The following AMPD3 variants were observed in gnomAD, a reference collection of about 807,000 sequenced individuals.
AMPD3 encodes adenosine monophosphate deaminase 3, also known as AMP deaminase 3.
AMPD3 carries 57 observed loss-of-function variants against 82.3 expected under a neutral mutation model. The observed-to-expected ratio is 0.69, with a 90% CI of 0.56 to 0.86. AMPD3 has a LOEUF of 0.86. Ranked by LOEUF, AMPD3 falls within the 40% of genes least tolerant of loss-of-function variation. AMPD3 has a pLI of 0.00. For missense variants in AMPD3, 870 were observed against 1,003.8 expected, an observed-to-expected ratio of 0.87 and a Z score of 1.80; for synonymous variants, 381 against 394.7, an observed-to-expected ratio of 0.97 and a Z score of 0.41.
intron 13 of AMPD3, chr11:10,504,133 TC>T: frequency 1.2e-6 from 1 of 805,112 alleles, no homozygotes; most frequent in Non-Finnish European, 1.5e-6. Flanking sequence ...TATCTATCTA[TC>T]TATCTATCTA....
At chr11:10,484,671 A>G in intron 4 of AMPD3, 149 bp from the exon 5 acceptor site, 1 of 1,212,620 alleles carries the variant, frequency 8.2e-7, no homozygotes, top group South Asian at 1.4e-5. Flanking sequence ...TGACGAGACA[A>G]AAGGAAGCAG....
chr11:10,462,489 G>A (rs756309075), intron 2 of AMPD3, among the ~76,000 whole-genome samples: 4 of 152,194 alleles, frequency 2.6e-5, no homozygotes, highest in South Asian at 2.1e-4. Context: ...AAGGGGAAGA[G>A]GTGGCAGCTG....
intron 2 of AMPD3, among the ~76,000 whole-genome samples, chr11:10,463,763 C>T (rs1243174118): frequency 1.3e-5 from 2 of 152,198 alleles, no homozygotes; most frequent in Admixed American, 6.5e-5. Flanking sequence ...TCCAGAAATT[C>T]CCCTGCAAAC....
intron 5 of AMPD3, among the ~76,000 whole-genome samples, chr11:10,486,338 C>G (rs546332182): frequency 3.3e-5 from 5 of 152,186 alleles, no homozygotes; most frequent in Non-Finnish European, 7.3e-5. Flanking sequence ...GCCAAGGAAG[C>G]TGCTGTTTGT....
At chr11:10,489,283 C>G (rs1470681607) in intron 6 of AMPD3, among the ~76,000 whole-genome samples, 2 of 152,190 alleles carry the variant, frequency 1.3e-5, no homozygotes, top group Non-Finnish European at 2.9e-5. Flanking sequence ...ACGCCTTGCC[C>G]AGCCCGATGC....
chr11:10,501,348 G>C (rs1008351520), intron 11 of AMPD3, 122 bp from the exon 12 acceptor site: 2 of 1,499,624 alleles, frequency 1.3e-6, no homozygotes, highest in South Asian at 1.3e-5. Flanking sequence ...GGGTGCACTG[G>C]GTCAGCACAG....
At position 10,478,494 on chromosome 11, in the gene AMPD3, GTC is replaced by G. The variant is rs765145197; in HGVS notation, c.222-29_222-28del. The G allele has an allele frequency of 2.0e-5, 32 of 1,612,870 alleles. No individual in the cohort carries two copies. In the African/African-American group the frequency reaches 4.0e-4, roughly 20 times the overall value. ...TCACTCACCCCAATTAGCTTCTGAT[GTC>G]TCCCACTTTTCCTTGTCCTTGGCTC... On this transcript the variant is annotated intron_variant, in intron 2 of 14. Transcript: ENST00000396553.
chr11:10,474,321 C>T (rs915990605), intron 2 of AMPD3, among the ~76,000 whole-genome samples: 5 of 152,196 alleles, frequency 3.3e-5, no homozygotes, highest in African/African-American at 1.2e-4. Context: ...CTCCAGTGCC[C>T]CTCCCTGCCT....
intron 12 of AMPD3, 31 bp downstream of exon 12, chr11:10,501,621 G>C: frequency 3.1e-6 from 5 of 1,614,016 alleles, no homozygotes; most frequent in Non-Finnish European, 4.2e-6. Context: ...AGCCCGTCCT[G>C]AGTGACTGCC....
rs772010345 is a variant in AMPD3, at chr11:10,495,576, G to T, written c.1273G>T (p.Ala425Ser). Residue 425 changes from alanine to serine, a missense_variant, in exon 9 of 15, where the codon GCC becomes TCC. Ala to Ser is a moderately conservative substitution (Grantham distance 99, BLOSUM62 1). Coordinates refer to ENST00000396553, the MANE Select transcript of AMPD3 (RefSeq NM_001025389.2). ...CAAGCTCTTCTTGTGCCAGGAGGTT[G>T]CCCGGGAGCTGGAGGAGAGCAAGTA... ...EYFARMVKEV[A>S]RELEESKYQY... The T allele has an allele frequency of 6.2e-7, 1 of 1,612,868 alleles. No individual in the cohort carries two copies. Among genetic ancestry groups the T allele is most frequent in the South Asian group, 1.1e-5 (1 of 91,014 alleles).
chr11:10,466,122 C>T (rs112888260), intron 2 of AMPD3, among the ~76,000 whole-genome samples: 3,730 of 152,178 alleles, frequency 0.025, 159 homozygotes, highest in African/African-American at 0.08. Context: ...ATTAGCCGGG[C>T]GTGGTGGGGG....
At chr11:10,452,318 T>C (rs1847983526), upstream of AMPD3, among the ~76,000 whole-genome samples, 1 of 152,214 alleles carries the variant, frequency 6.6e-6, no homozygotes, top group Non-Finnish European at 1.5e-5. Flanking sequence ...CCCCTAAAGC[T>C]GCCCATTGGC....
At chr11:10,504,283 A>G (rs941147125) in intron 13 of AMPD3, 1 of 942,192 alleles carries the variant, frequency 1.1e-6, no homozygotes. Context: ...GCCATCCCTG[A>G]TGACTGGCAC....
At chr11:10,454,224 C>T (rs571253830), upstream of AMPD3, among the ~76,000 whole-genome samples, 4 of 152,236 alleles carry the variant, frequency 2.6e-5, no homozygotes, top group African/African-American at 9.6e-5. Context: ...GGAGTCTTCC[C>T]GCCTTTTGGC....
At position 10,478,202 on chromosome 11, in the gene AMPD3, G is replaced by T. The variant is rs531357107; in HGVS notation, c.222-324G>T. 23 of 985,376 alleles carry T rather than the reference G, an allele frequency of 2.3e-5. No homozygotes were observed. The African/African-American group carries it at 4.0e-4, about 17-fold the overall frequency. 61.0% of individuals were successfully genotyped at this position (985,376 alleles called of 1,614,324 possible). On this transcript the variant is annotated intron_variant, in intron 2 of 14. Transcript: ENST00000396553. ...ATTGTCCTCCCCTCTAGTGCCCTGT[G>T]GTTTTAGAGCCCCTGCCATGTGGTC...
chr11:10,475,454 C>G (rs929171173), intron 2 of AMPD3, among the ~76,000 whole-genome samples: 3 of 152,168 alleles, frequency 2.0e-5, no homozygotes, highest in African/African-American at 7.2e-5. Flanking sequence ...CCCACTCACT[C>G]AGCTCCAACC....
At chr11:10,470,884 G>A (rs1848570022) in intron 2 of AMPD3, among the ~76,000 whole-genome samples, 2 of 152,246 alleles carry the variant, frequency 1.3e-5, no homozygotes, top group East Asian at 1.9e-4. Context: ...TGGCCATACT[G>A]CCCAAAGTAA....
chr11:10,484,611 C>A, intron 4 of AMPD3: 1 of 726,448 alleles, frequency 1.4e-6, no homozygotes, highest in Non-Finnish European at 1.7e-6. Flanking sequence ...GTGGAGAAGA[C>A]ATCATATCTG....
upstream of AMPD3, among the ~76,000 whole-genome samples, chr11:10,451,492 G>A (rs1847961961): frequency 6.6e-6 from 1 of 152,204 alleles, no homozygotes; most frequent in Non-Finnish European, 1.5e-5. Context: ...GCTCTCTCCC[G>A]GCAAGGGAGG....
Sources: allele counts gnomAD v4.1 joint callset (sites outside exome capture counted in the v4.1 genomes callset), GRCh38; gene constraint gnomAD v4.1.1; transcripts MANE v1.5; gene names NCBI Gene and HGNC (gene_info 2026-07-23, HGNC 2026-07-21).